CAPG: variants seen among roughly 807,000 people sequenced by gnomAD.
CAPG encodes macrophage-capping protein.
CAPG carries 32 observed loss-of-function variants against 44.6 expected under a neutral mutation model. That is an observed-to-expected ratio of 0.72 (90% CI 0.54 to 0.96). CAPG has a LOEUF of 0.96. Ranked by LOEUF, CAPG falls within the 50% of genes least tolerant of loss-of-function variation. CAPG has a pLI of 0.00. For missense variants in CAPG, 412 were observed against 438.3 expected (o/e 0.94, Z 0.54); for synonymous variants, 175 against 179.6 (o/e 0.97, Z 0.20).
At chr2:85,412,158 A>G (rs1687432563), upstream of CAPG, among the ~76,000 whole-genome samples, 1 of 152,202 alleles carries the variant, frequency 6.6e-6, no homozygotes, top group African/African-American at 2.4e-5. Flanking sequence ...CTTCTCCCCA[A>G]AGAACATGGC....
chr2:85,398,923 C>G, intron 6 of CAPG, 141 bp from the exon 7 acceptor site: 1 of 817,720 alleles, frequency 1.2e-6, no homozygotes, highest in Non-Finnish European at 1.9e-6. Context: ...TGAGTGAGGG[C>G]TGAGTCCAGC....
At chr2:85,415,480 C>A (rs1416537402) in intron 1 of CAPG, among the ~76,000 whole-genome samples, 1 of 152,204 alleles carries the variant, frequency 6.6e-6, no homozygotes. Flanking sequence ...AGATGCAACA[C>A]CCATGTAACC....
intron 1 of CAPG, among the ~76,000 whole-genome samples, chr2:85,405,711 T>C (rs1244883381): frequency 6.6e-6 from 1 of 152,212 alleles, no homozygotes; most frequent in Non-Finnish European, 1.5e-5. Context: ...AGGCATATTT[T>C]GGCACCACGA....
At position 85,399,230 on chromosome 2, in the gene CAPG, C is replaced by A; in HGVS notation, c.572G>T (p.Arg191Met). ...KSNILERNKA[R>M]DLALAIRDSE... ...GTCCCGGATGGCCAGGGCCAGGTCCCTCGCCTTGTTGCGTTCCAGGATGTT... is the reference window on the plus strand; with the variant it reads ...GTCCCGGATGGCCAGGGCCAGGTCCATCGCCTTGTTGCGTTCCAGGATGTT... The change falls in exon 6 of 10, where the codon AGG (arginine) becomes ATG (methionine). Residue 191 changes from arginine to methionine, a missense_variant. Transcript: ENST00000263867. 6.2e-7 allele frequency: 1 copy of A among 1,614,270 alleles called. No individual in the cohort carries two copies. The highest frequency in any genetic ancestry group is 8.5e-7 in the Non-Finnish European group (1 of 1,180,036).
upstream of CAPG, chr2:85,418,746 C>G (rs1199785042): frequency 6.6e-6 from 1 of 152,248 alleles, no homozygotes; most frequent in Non-Finnish European, 1.5e-5. Flanking sequence ...GATCCGGACG[C>G]AAAGATTGCG....
At chr2:85,411,416 G>A (rs549036661), upstream of CAPG, among the ~76,000 whole-genome samples, 1 of 152,330 alleles carries the variant, frequency 6.6e-6, no homozygotes, top group Admixed American at 6.5e-5. Context: ...GGACACCGAG[G>A]TCCTGAGAGC....
chr2:85,396,651 A>G (rs1686612984), intron 8 of CAPG, among the ~76,000 whole-genome samples: 1 of 151,886 alleles, frequency 6.6e-6, no homozygotes. Context: ...CGGTTTATAC[A>G]TGCTTCTGTG....
intron 1 of CAPG, among the ~76,000 whole-genome samples, chr2:85,416,510 CCT>C (rs1687554896): frequency 6.6e-6 from 1 of 151,970 alleles, no homozygotes; most frequent in African/African-American, 2.4e-5. Flanking sequence ...CCCAAATATT[CCT>C]TTTTTTTTCT....
upstream of CAPG, chr2:85,414,038 CT>C: frequency 6.6e-6 from 1 of 152,486 alleles, no homozygotes; most frequent in Middle Eastern, 3.4e-3. Flanking sequence ...CCCCCGCCCC[CT>C]GGAGGTGCGC....
chr2:85,402,808 TCACTCAGG>T lies in CAPG; in HGVS notation c.-13-658_-13-651del, dbSNP rs1331587990. Among the ~76,000 whole-genome samples the T allele has an allele frequency of 2.0e-5, 3 of 149,216 alleles. No homozygotes were observed. The East Asian group carries it at 6.0e-4, about 30-fold the overall frequency. On this transcript the variant is annotated intron_variant, in intron 1 of 9. Coordinates refer to ENST00000263867, the MANE Select transcript of CAPG (RefSeq NM_001747.4). ...TTTTTGGAGACAGAGTCTCACTCTG[TCACTCAGG>T]CTGGAGTGCAGTGGCGTGATCTCAG...
Position 85,401,622 on chromosome 2 carries a change from C to T in CAPG, c.258G>A (p.Thr86=), listed in dbSNP as rs2229669. The part of the protein sequence containing the change: ...ACAVLAVHLN[T]LLGERPVQHR... Reference sequence around the variant, plus strand: ...GCTGCACAGGCCGCTCTCCCAGCAGCGTGTTGAGGTGCACAGCCAGCACGG... The same window carrying T: ...GCTGCACAGGCCGCTCTCCCAGCAGTGTGTTGAGGTGCACAGCCAGCACGG... Residue 86 remains threonine, a synonymous_variant, in exon 4 of 10, where the codon ACG becomes ACA. Transcript: ENST00000263867. The T allele has an allele frequency of 0.064, 103,673 of 1,614,082 alleles. 3,650 individuals are homozygous for T. Among genetic ancestry groups the T allele is most frequent in the African/African-American group, 0.08 (6,004 of 75,032 alleles).
intron 8 of CAPG, 24 bp downstream of exon 8, chr2:85,397,995 AG>A: frequency 6.2e-7 from 1 of 1,609,396 alleles, no homozygotes; most frequent in African/African-American, 1.3e-5. Context: ...CAGGCATCTC[AG>A]GCTGTTACAG....
intron 1 of CAPG, among the ~76,000 whole-genome samples, chr2:85,408,186 T>G (rs964901997): frequency 6.6e-6 from 1 of 151,904 alleles, no homozygotes; most frequent in African/African-American, 2.4e-5. Flanking sequence ...CTGCTAAAAA[T>G]ACAAAATTAG....
At chr2:85,399,405 C>A in intron 5 of CAPG, 120 bp from the exon 6 acceptor site, 2 of 1,055,516 alleles carry the variant, frequency 1.9e-6, no homozygotes, top group South Asian at 3.0e-5. Flanking sequence ...GCAGGACAAC[C>A]AGGAAGGCAG....
At chr2:85,394,655 G>A, downstream of CAPG, 1 of 578,470 alleles carries the variant, frequency 1.7e-6, no homozygotes, top group East Asian at 3.0e-5. Flanking sequence ...CCCCTCCAAG[G>A]CTGTCCAATT....
Position 85,401,659 on chromosome 2 carries a change from T to C in CAPG, c.221A>G (p.Gln74Arg). The stretch of plus-strand genomic sequence containing the variant: ...CACAGCCAGCACGGCACAGGCCCCC[T>C]GCTCATCCCGGGATGACTGCTGGCC... ...WIGQQSSRDE[Q>R]GACAVLAVHL... The change falls in exon 4 of 10, where the codon CAG (glutamine) becomes CGG (arginine). Residue 74 changes from glutamine to arginine, a missense_variant. Coordinates refer to ENST00000263867, the MANE Select transcript of CAPG (RefSeq NM_001747.4). The C allele has an allele frequency of 6.2e-7, 1 of 1,614,138 alleles. No individual in the cohort carries two copies. The highest frequency in any genetic ancestry group is 8.5e-7 in the Non-Finnish European group (1 of 1,180,018).
At chr2:85,403,581 T>C (rs962271233) in intron 1 of CAPG, among the ~76,000 whole-genome samples, 1 of 152,142 alleles carries the variant, frequency 6.6e-6, no homozygotes, top group African/African-American at 2.4e-5. Flanking sequence ...CTCATGAACA[T>C]ACACATACAA....
intron 1 of CAPG, among the ~76,000 whole-genome samples, chr2:85,402,524 T>C (rs969766642): frequency 2.0e-5 from 3 of 152,122 alleles, no homozygotes; most frequent in Non-Finnish European, 2.9e-5. Context: ...TGGAGTGCAG[T>C]GGTGCGATCT....
At chr2:85,398,363 G>A in intron 7 of CAPG, 1 of 615,328 alleles carries the variant, frequency 1.6e-6, no homozygotes, top group Admixed American at 3.1e-5. Context: ...TGCAGCACAG[G>A]GGCCCCGAAC....
Sources: allele counts gnomAD v4.1 joint callset (sites outside exome capture counted in the v4.1 genomes callset), GRCh38; gene constraint gnomAD v4.1.1; transcripts MANE v1.5; gene names NCBI Gene and HGNC (gene_info 2026-07-23, HGNC 2026-07-21).